The following PCDHGA8 variants were observed in gnomAD, a reference collection of about 807,000 sequenced individuals.
PCDHGA8 encodes protocadherin gamma-A8.
In PCDHGA8, 45 loss-of-function variants were observed where a neutral mutation model predicts 59.2. The observed-to-expected ratio is 0.76, with a 90% CI of 0.60 to 0.98. The LOEUF (loss-of-function observed/expected upper bound fraction) is 0.98, where lower values mean the gene tolerates loss of function less well. PCDHGA8 is among the 50% of genes least tolerant of loss of function. The pLI is 0.00. For synonymous variants in PCDHGA8, 531 were observed against 519.0 expected (o/e 1.02, Z -0.32); for missense variants, 1,257 against 1,196.2 (o/e 1.05, Z -0.75).
chr5:141,470,565 A>T (rs2099233471), intron 1 of PCDHGA8, among the ~76,000 whole-genome samples: 1 of 152,172 alleles, frequency 6.6e-6, no homozygotes, highest in African/African-American at 2.4e-5. Context: ...CCTCTGTGCC[A>T]AGCAGGATCA....
intron 3 of PCDHGA8, among the ~76,000 whole-genome samples, chr5:141,507,714 C>T (rs1425955843): frequency 6.6e-6 from 1 of 152,280 alleles, no homozygotes; most frequent in Non-Finnish European, 1.5e-5. Flanking sequence ...GCCCCAAACC[C>T]TCCAAGCAAG....
chr5:141,418,107 A>C, intron 1 of PCDHGA8: 1 of 1,614,036 alleles, frequency 6.2e-7, no homozygotes, highest in Non-Finnish European at 8.5e-7. Flanking sequence ...CAGAGCGGGG[A>C]CTTACTTGTG....
Position 141,428,071 on chromosome 5 carries a change from C to T in PCDHGA8, c.2424+32834C>T, listed in dbSNP as rs968712502. ...AAGGTGGTGGCGGTGGACGCAGATTCGGGACACAACGCTTGGCTGTCCTAC... is the reference window on the plus strand; with the variant it reads ...AAGGTGGTGGCGGTGGACGCAGATTTGGGACACAACGCTTGGCTGTCCTAC... On this transcript the variant is annotated intron_variant, in intron 1 of 3. Transcript: ENST00000398604. The T allele has an allele frequency of 5.6e-6, 9 of 1,609,140 alleles. No homozygotes were observed. In the Middle Eastern group the frequency reaches 1.0e-3, roughly 184 times the overall value.
At chr5:141,399,335 A>G in intron 1 of PCDHGA8, 3 of 1,613,978 alleles carry the variant, frequency 1.9e-6, no homozygotes, top group Non-Finnish European at 2.5e-6. Flanking sequence ...TTGGTAACAG[A>G]TGGAACCCTA....
chr5:141,416,819 G>A (rs952251457), intron 1 of PCDHGA8: 5 of 151,982 alleles, frequency 3.3e-5, no homozygotes, highest in African/African-American at 9.7e-5. Flanking sequence ...AAAGCATTCC[G>A]AAGTTTCTCA....
At chr5:141,478,306 G>A (rs1316502939) in intron 1 of PCDHGA8, 2 of 1,614,056 alleles carry the variant, frequency 1.2e-6, no homozygotes, top group South Asian at 2.2e-5. Flanking sequence ...ACCGAGCCCC[G>A]GTGAGCTCAC....
chr5:141,454,693 A>G (rs951819293), intron 1 of PCDHGA8, among the ~76,000 whole-genome samples: 1 of 151,738 alleles, frequency 6.6e-6, no homozygotes, highest in Non-Finnish European at 1.5e-5. Context: ...GGCATGAGCC[A>G]CCATGCTCCA....
chr5:141,399,527 T>C lies in PCDHGA8; in HGVS notation c.2424+4290T>C, dbSNP rs781680585. ...GAAAACAACCCTCCTGGGGCCTCCA[T>C]CGCGCAAGTCTGCGCCTCGGACCTG... is the stretch of plus-strand genomic sequence containing the variant. On this transcript the variant is annotated intron_variant, in intron 1 of 3. Transcript: ENST00000398604. The C allele has an allele frequency of 1.4e-4, 229 of 1,613,898 alleles. No homozygotes were observed. The highest frequency in any genetic ancestry group is 1.9e-4 in the Non-Finnish European group (225 of 1,179,892).
rs566049956 is a variant in PCDHGA8 at position 141,511,685 on chromosome 5, G to A, written c.*512G>A. 1.0e-5 allele frequency: 2 copies of A among 198,374 alleles called. No individual in the cohort carries two copies. Among genetic ancestry groups the A allele is most frequent in the Non-Finnish European group, 2.1e-5 (2 of 94,428 alleles). The allele number at this position is 198,374 out of a possible 1,614,324, so 12.3% of individuals were successfully genotyped here. On this transcript the variant is annotated 3_prime_UTR_variant, in exon 4 of 4. Coordinates refer to ENST00000398604, the MANE Select transcript of PCDHGA8 (RefSeq NM_032088.2). ...GATTCTCAATCTTCCCCCAAAGCAT[G>A]GTTTGGTGCCAGCCCCTTCACCTCC...
rs1206130340 is a variant in PCDHGA8, at chr5:141,473,814, G to A, written c.2425-20993G>A. On this transcript the variant is annotated intron_variant, in intron 1 of 3. Coordinates refer to ENST00000398604, the MANE Select transcript of PCDHGA8 (RefSeq NM_032088.2). ...GTATGATGCTACTGAGGAGCAGCTG[G>A]ACAATTGTGTGATCCAATTAAAATT... Among the ~76,000 whole-genome samples, 5 of 152,188 alleles carry A rather than the reference G, an allele frequency of 3.3e-5. No individual in the cohort carries two copies. The East Asian group carries it at 9.6e-4, about 29-fold the overall frequency.
intron 1 of PCDHGA8, chr5:141,422,210 T>C: frequency 6.4e-7 from 1 of 1,562,390 alleles, no homozygotes; most frequent in South Asian, 1.2e-5. Flanking sequence ...GGTGGAGGTC[T>C]CTTTACCACC....
In PCDHGA8 at chr5:141,512,264, C is replaced by G. The variant is rs1453959730; in HGVS notation, c.*1091C>G. 6.5e-6 allele frequency: 1 copy of G among 152,684 alleles called. No homozygotes were observed. The highest frequency in any genetic ancestry group is 1.5e-5 in the Non-Finnish European group (1 of 68,096). 9.5% of individuals were successfully genotyped at this position (152,684 alleles called of 1,614,324 possible). ...GGGGCCTCTGTGGGTGCTGGGTACTCCAGAGGTGCCACTGGTGGAAGGGTC... is the reference window on the plus strand; with the variant it reads ...GGGGCCTCTGTGGGTGCTGGGTACTGCAGAGGTGCCACTGGTGGAAGGGTC... On this transcript the variant is annotated 3_prime_UTR_variant, in exon 4 of 4. Transcript: ENST00000398604.
In PCDHGA8 at chr5:141,410,693, A is replaced by AT. The variant is rs774266569; in HGVS notation, c.2424+15460dup. On this transcript the variant is annotated intron_variant, in intron 1 of 3. Coordinates refer to ENST00000398604, the MANE Select transcript of PCDHGA8 (RefSeq NM_032088.2). ...TCTCATATTTTAGGCATACTACTTT[A>AT]TTTTCATATCTAGAATCATATGTTT... The AT allele has an allele frequency of 1.1e-5, 17 of 1,496,786 alleles. No homozygotes were observed. In the Admixed American group the frequency reaches 3.7e-4, roughly 33 times the overall value. The allele number at this position is 1,496,786 out of a possible 1,614,324, so 92.7% of individuals were successfully genotyped here.
intron 2 of PCDHGA8, among the ~76,000 whole-genome samples, chr5:141,497,905 C>T (rs1052659134): frequency 6.6e-6 from 1 of 152,178 alleles, no homozygotes; most frequent in Non-Finnish European, 1.5e-5. Context: ...GTAACTTCAA[C>T]TTCTCTCCTT....
intron 1 of PCDHGA8, chr5:141,403,047 G>T: frequency 6.2e-7 from 1 of 1,614,062 alleles, no homozygotes; most frequent in Non-Finnish European, 8.5e-7. Flanking sequence ...AGTCAGATTC[G>T]CTACTCAGTG....
At chr5:141,462,540 TTTC>T (rs2099042260) in intron 1 of PCDHGA8, among the ~76,000 whole-genome samples, 1 of 152,204 alleles carries the variant, frequency 6.6e-6, no homozygotes, top group East Asian at 1.9e-4. Flanking sequence ...TCAGTGATCT[TTTC>T]TTCTTCAGTG....
Position 141,393,183 on chromosome 5 carries a change from A to T in PCDHGA8, c.370A>T (p.Ile124Phe). 6.2e-7 allele frequency: 1 copy of T among 1,613,370 alleles called. No homozygotes were observed. Among genetic ancestry groups the T allele is most frequent in the Non-Finnish European group, 8.5e-7 (1 of 1,179,898 alleles). The change falls in exon 1 of 4, where the codon ATT becomes TTT. Residue 124 changes from isoleucine (I) to phenylalanine (F), a missense_variant. Transcript: ENST00000398604. ...ACTCTTTGGGGTAGAAATAGAAATA[A>T]TTGATATTAACGATAATAACCCAAA... ...GKLFGVEIEI[I>F]DINDNNPKFQ...
At chr5:141,408,836 T>G in intron 1 of PCDHGA8, 1 of 1,613,680 alleles carries the variant, frequency 6.2e-7, no homozygotes, top group Non-Finnish European at 8.5e-7. Context: ...TAGCTTGATA[T>G]TGACTGCCTT....
chr5:141,433,595 G>C (rs2097629585), intron 1 of PCDHGA8, among the ~76,000 whole-genome samples: 1 of 152,070 alleles, frequency 6.6e-6, no homozygotes, highest in South Asian at 2.1e-4. Context: ...CAGTACTTTG[G>C]GAGGCCGAGG....
Sources: gnomAD v4.1 joint callset for allele counts (sites outside exome capture counted in the v4.1 genomes callset) on GRCh38, gnomAD v4.1.1 for gene constraint, MANE v1.5 for transcripts, NCBI Gene and HGNC (gene_info 2026-07-23, HGNC 2026-07-21) for gene names.